Variants in PPP6R3 observed in about 807,000 individuals in gnomAD.
PPP6R3 encodes serine/threonine-protein phosphatase 6 regulatory subunit 3.
Under a neutral mutation model 110.7 loss-of-function variants are expected in PPP6R3, and 38 were observed. The observed-to-expected ratio is 0.34, with a 90% CI of 0.26 to 0.45. PPP6R3 has a LOEUF of 0.45. Ranked by LOEUF, PPP6R3 falls within the 20% of genes least tolerant of loss-of-function variation. PPP6R3 has a pLI of 1.00. For synonymous variants in PPP6R3, 369 were observed against 373.5 expected (o/e 0.99, Z 0.14); for missense variants, 870 against 1,062.4 (o/e 0.82, Z 2.52).
chr11:68,610,133 T>A (rs1201110806), intron 23 of PPP6R3, 110 bp downstream of exon 23: 1 of 1,437,706 alleles, frequency 7.0e-7, no homozygotes, highest in Non-Finnish European at 9.3e-7. Context: ...GCTCAAGTCT[T>A]AGGCCGCTGA....
At chr11:68,483,608 G>C (rs2098929136) in intron 1 of PPP6R3, among the ~76,000 whole-genome samples, 1 of 152,086 alleles carries the variant, frequency 6.6e-6, no homozygotes, top group Non-Finnish European at 1.5e-5. Context: ...TCAGCCTCCT[G>C]AGTAGCTGGA....
chr11:68,579,080 A>G (rs747877842), intron 14 of PPP6R3, among the ~76,000 whole-genome samples: 4 of 152,264 alleles, frequency 2.6e-5, no homozygotes, highest in Admixed American at 6.5e-5. Flanking sequence ...GACAGTGTGT[A>G]GAAGAAGAGA....
At position 68,554,237 on chromosome 11, in the gene PPP6R3, C is replaced by T. The variant is rs767104341; in HGVS notation, c.711C>T (p.Pro237=). ...LQIQNSTEPD[P]LLATLEKQEI... ...TTCAGAACAGTACAGAGCCCGACCC[C>T]CTGCTTGCCACTCTAGAAAAGTATG... The change falls in exon 7 of 24, where the codon CCC becomes CCT. Residue 237 remains proline (P), a synonymous_variant. Transcript: ENST00000393800. 3 of 1,612,036 alleles carry T rather than the reference C, an allele frequency of 1.9e-6. No individual in the cohort carries two copies. The African/African-American group carries it at 4.0e-5, about 22-fold the overall frequency.
Position 68,569,848 on chromosome 11 carries a change from C to T in PPP6R3, c.1229C>T (p.Ala410Val), listed in dbSNP as rs1173036290. ...LASPFENTEN[A>V]TITDQDSTGD... Reference sequence around the variant, plus strand: ...AGTCCTTTTGAAAACACAGAAAATGCCACAATTACCGATCAAGACTCCACT... The same window carrying T: ...AGTCCTTTTGAAAACACAGAAAATGTCACAATTACCGATCAAGACTCCACT... The change falls in exon 11 of 24, where the codon GCC becomes GTC. Residue 410 changes from alanine to valine, a missense_variant. By Grantham distance (64) the Ala-to-Val change is moderately conservative. Coordinates refer to ENST00000393800, the MANE Select transcript of PPP6R3 (RefSeq NM_001164161.2). 4 of 1,611,962 alleles carry T rather than the reference C, an allele frequency of 2.5e-6. No individual in the cohort carries two copies. The Admixed American group carries it at 6.7e-5, about 27-fold the overall frequency.
intron 18 of PPP6R3, among the ~76,000 whole-genome samples, chr11:68,594,766 A>G (rs1023852429): frequency 2.0e-5 from 3 of 152,258 alleles, no homozygotes; most frequent in Non-Finnish European, 4.4e-5. Flanking sequence ...AGGATCTAGA[A>G]TAGCCAAAGC....
At chr11:68,466,892 CGTG>C (rs2098751466) in intron 1 of PPP6R3, among the ~76,000 whole-genome samples, 1 of 151,934 alleles carries the variant, frequency 6.6e-6, no homozygotes, top group Non-Finnish European at 1.5e-5. Context: ...GGATTACAGG[CGTG>C]AGCCACCGCG....
At position 68,614,555 on chromosome 11, in the gene PPP6R3, A is replaced by T; in HGVS notation, c.*1438A>T. On this transcript the variant is annotated 3_prime_UTR_variant, in exon 24 of 24. Coordinates refer to ENST00000393800, the MANE Select transcript of PPP6R3 (RefSeq NM_001164161.2). ...GTAGCATCCCAAGCAGCGTGCCTAA[A>T]CATTACATTGCATATGGAAATAAAA... is the stretch of plus-strand genomic sequence containing the variant. 1.3e-6 allele frequency: 2 copies of T among 1,494,246 alleles called. No homozygotes were observed. The highest frequency in any genetic ancestry group is 1.8e-6 in the Non-Finnish European group (2 of 1,132,760). The allele number at this position is 1,494,246 out of a possible 1,614,324, so 92.6% of individuals were successfully genotyped here.
Position 68,537,701 on chromosome 11 carries a change from A to G in PPP6R3, c.37A>G (p.Ile13Val). 1 of 1,612,370 alleles carries G rather than the reference A, an allele frequency of 6.2e-7. No individual in the cohort carries two copies. Among genetic ancestry groups the G allele is most frequent in the Non-Finnish European group, 8.5e-7 (1 of 1,178,564 alleles). Reference sequence around the variant, plus strand: ...ATTTGATCTTCACTCATCATCCCACATAGACACACTTCTAGAAAGAGAAGA... The same window carrying G: ...ATTTGATCTTCACTCATCATCCCACGTAGACACACTTCTAGAAAGAGAAGA... ...WKFDLHSSSH[I>V]DTLLEREDVT... Residue 13 changes from isoleucine (I) to valine (V), a missense_variant, in exon 3 of 24, where the codon ATA becomes GTA. Physicochemically the swap from Ile to Val is conservative, Grantham distance 29 (BLOSUM62 3). Coordinates refer to ENST00000393800, the MANE Select transcript of PPP6R3 (RefSeq NM_001164161.2).
intron 19 of PPP6R3, among the ~76,000 whole-genome samples, chr11:68,600,015 A>G (rs902255429): frequency 3.9e-5 from 6 of 152,184 alleles, no homozygotes; most frequent in Non-Finnish European, 5.9e-5. Context: ...CCAGCTACTC[A>G]GGAGGCTGAG....
At chr11:68,540,166 G>A (rs1237959918) in intron 3 of PPP6R3, among the ~76,000 whole-genome samples, 2 of 152,242 alleles carry the variant, frequency 1.3e-5, no homozygotes, top group African/African-American at 2.4e-5. Context: ...AGCCACCAGA[G>A]GGTTTTGAGC....
intron 22 of PPP6R3, among the ~76,000 whole-genome samples, chr11:68,604,277 C>T (rs534715314): frequency 2.5e-4 from 38 of 152,300 alleles, no homozygotes; most frequent in African/African-American, 9.1e-4. Flanking sequence ...GCTCCAGTGA[C>T]ACAATGTAAA....
At chr11:68,609,402 C>G in intron 22 of PPP6R3, 2 of 710,072 alleles carry the variant, frequency 2.8e-6, no homozygotes, top group Middle Eastern at 2.3e-4. Context: ...TGGGGTCTGT[C>G]TTGCTGCTTT....
At position 68,599,628 on chromosome 11, in the gene PPP6R3, A is replaced by G. The variant is rs142362685; in HGVS notation, c.2039-713A>G. Among the ~76,000 whole-genome samples, 138 of 152,360 alleles carry G rather than the reference A, an allele frequency of 9.1e-4. 1 individual carries two copies. In the East Asian group the frequency reaches 0.018, roughly 20 times the overall value. On this transcript the variant is annotated intron_variant, in intron 19 of 23. Coordinates refer to ENST00000393800, the MANE Select transcript of PPP6R3 (RefSeq NM_001164161.2). ...ATCAACATGTTCTTTTTTTAGAAAA[A>G]TAACCTTTTTACTTTTGAATAATTT...
intron 4 of PPP6R3, 53 bp from the exon 5 acceptor site, chr11:68,548,014 G>A (rs1216431500): frequency 1.5e-5 from 23 of 1,563,414 alleles, no homozygotes; most frequent in Middle Eastern, 1.7e-4. Context: ...AAAAGGTAAA[G>A]TTTATAGTTT....
In PPP6R3 at chr11:68,572,454, T is replaced by C. The variant is rs1462951919; in HGVS notation, c.1343+1350T>C. Reference sequence around the variant, plus strand: ...ATGGGCCTTTGTTTTCTTTCACTTGTGTACTTGAGGGTGTGCAGAAGAGTG... The same window carrying C: ...ATGGGCCTTTGTTTTCTTTCACTTGCGTACTTGAGGGTGTGCAGAAGAGTG... On this transcript the variant is annotated intron_variant, in intron 12 of 23. Coordinates refer to ENST00000393800, the MANE Select transcript of PPP6R3 (RefSeq NM_001164161.2). 3.9e-5 allele frequency among the ~76,000 whole-genome samples: 6 copies of C among 152,190 alleles called. 1 individual carries two copies. Among genetic ancestry groups the C allele is most frequent in the Admixed American group, 3.9e-4 (6 of 15,278 alleles).
intron 1 of PPP6R3, among the ~76,000 whole-genome samples, chr11:68,465,877 T>A (rs2098741772): frequency 6.6e-6 from 1 of 152,252 alleles, no homozygotes; most frequent in Non-Finnish European, 1.5e-5. Context: ...TAGTTACACT[T>A]TGTTACTCAT....
intron 2 of PPP6R3, among the ~76,000 whole-genome samples, chr11:68,528,077 G>T (rs2099210380): frequency 6.6e-6 from 1 of 152,040 alleles, no homozygotes; most frequent in South Asian, 2.1e-4. Context: ...TGTTTTCTCT[G>T]TTCTCAATTT....
At chr11:68,582,672 A>G (rs1396744677) in intron 14 of PPP6R3, among the ~76,000 whole-genome samples, 1 of 152,270 alleles carries the variant, frequency 6.6e-6, no homozygotes, top group East Asian at 1.9e-4. Flanking sequence ...CAGGCCCCGT[A>G]CATAGAAAGG....
rs371522135 is a variant in PPP6R3, at chr11:68,570,257, GA to G, written c.1278+362del. On this transcript the variant is annotated intron_variant, in intron 11 of 23. Transcript: ENST00000393800. ...CTGACCAGAGTGTAGTTTCTTTGCT[GA>G]ATACGTGACTGAAAGTCAGGAGAAC... Among the ~76,000 whole-genome samples, 35 of 152,316 alleles carry G rather than the reference GA, an allele frequency of 2.3e-4. No individual in the cohort carries two copies. In the East Asian group the frequency reaches 5.8e-3, roughly 25 times the overall value.
Sources: gnomAD v4.1 joint callset for allele counts (sites outside exome capture counted in the v4.1 genomes callset) on GRCh38, gnomAD v4.1.1 for gene constraint, MANE v1.5 for transcripts, NCBI Gene and HGNC (gene_info 2026-07-23, HGNC 2026-07-21) for gene names.